Variants in HS6ST3 observed in about 807,000 individuals in gnomAD.
HS6ST3 encodes heparan sulfate 6-O-sulfotransferase 3.
In HS6ST3, 12 loss-of-function variants were observed where a neutral mutation model predicts 36.7. That is an observed-to-expected ratio of 0.33 (90% CI 0.21 to 0.53). The LOEUF (loss-of-function observed/expected upper bound fraction) is 0.53, where lower values mean the gene tolerates loss of function less well. HS6ST3 is among the 20% of genes least tolerant of loss of function. The probability of loss-of-function intolerance (pLI) is 0.95; values close to 1 mark genes in which losing one functional copy is unlikely to be tolerated. For synonymous variants in HS6ST3, 240 were observed against 257.5 expected, an observed-to-expected ratio of 0.93 and a Z score of 0.65; for missense variants, 584 against 640.9, an observed-to-expected ratio of 0.91 and a Z score of 0.96.
intron 1 of HS6ST3, among the ~76,000 whole-genome samples, chr13:96,671,536 T>C (rs1415735280): frequency 6.6e-6 from 1 of 152,094 alleles, no homozygotes; most frequent in Non-Finnish European, 1.5e-5. Flanking sequence ...ATAACAGACA[T>C]GTATTTTTCT....
intron 1 of HS6ST3, among the ~76,000 whole-genome samples, chr13:96,183,638 C>T (rs567625636): frequency 1.3e-5 from 2 of 152,248 alleles, no homozygotes; most frequent in African/African-American, 4.8e-5. Context: ...ATGGATGAAC[C>T]TTGAGCACAT....
At chr13:96,598,654 A>G (rs2056410761) in intron 1 of HS6ST3, among the ~76,000 whole-genome samples, 2 of 152,032 alleles carry the variant, frequency 1.3e-5, no homozygotes, top group African/African-American at 4.8e-5. Flanking sequence ...TCCAATTTGG[A>G]TGTCCTTTAT....
At chr13:96,458,837 C>T (rs532163014) in intron 1 of HS6ST3, among the ~76,000 whole-genome samples, 3 of 152,084 alleles carry the variant, frequency 2.0e-5, no homozygotes, top group Admixed American at 2.0e-4. Flanking sequence ...TGTGGTGGCT[C>T]ACGCCTATAA....
At chr13:96,246,666 G>T (rs1356922993) in intron 1 of HS6ST3, among the ~76,000 whole-genome samples, 1 of 152,164 alleles carries the variant, frequency 6.6e-6, no homozygotes, top group Non-Finnish European at 1.5e-5. Flanking sequence ...TTTTGTGTGT[G>T]TGGAGGTAAC....
intron 1 of HS6ST3, among the ~76,000 whole-genome samples, chr13:96,479,226 G>A (rs1449707603): frequency 6.6e-6 from 1 of 152,196 alleles, no homozygotes; most frequent in African/African-American, 2.4e-5. Context: ...TAAGGAATTA[G>A]CCTAGAGAAA....
intron 1 of HS6ST3, among the ~76,000 whole-genome samples, chr13:96,101,567 T>G: frequency 6.6e-6 from 1 of 151,936 alleles, no homozygotes; most frequent in South Asian, 2.1e-4. Flanking sequence ...CTGACAAAAC[T>G]TGGCACAAGA....
chr13:96,455,830 T>C (rs1017473327), intron 1 of HS6ST3, among the ~76,000 whole-genome samples: 1 of 152,234 alleles, frequency 6.6e-6, no homozygotes, highest in African/African-American at 2.4e-5. Flanking sequence ...TTCAAACTCT[T>C]TGATGCTGGC....
chr13:96,470,323 TC>T (rs1279168134), intron 1 of HS6ST3, among the ~76,000 whole-genome samples: 2 of 152,128 alleles, frequency 1.3e-5, no homozygotes, highest in African/African-American at 4.8e-5. Context: ...CATTTCCCCC[TC>T]CCCCAAATAT....
chr13:96,314,566 G>A (rs2054958809), intron 1 of HS6ST3, among the ~76,000 whole-genome samples: 1 of 152,122 alleles, frequency 6.6e-6, no homozygotes, highest in Non-Finnish European at 1.5e-5. Context: ...CAGTCTATAT[G>A]TCTTTGGAGA....
At chr13:96,344,340 G>A (rs1033399392) in intron 1 of HS6ST3, among the ~76,000 whole-genome samples, 2 of 152,112 alleles carry the variant, frequency 1.3e-5, no homozygotes, top group African/African-American at 4.8e-5. Flanking sequence ...GAAATAACAT[G>A]TGAGGAAGGG....
intron 1 of HS6ST3, among the ~76,000 whole-genome samples, chr13:96,828,275 G>T (rs1044716599): frequency 2.6e-5 from 4 of 152,176 alleles, no homozygotes; most frequent in African/African-American, 7.2e-5. Flanking sequence ...TTACCTAGTG[G>T]TAAGGCTAGA....
intron 1 of HS6ST3, among the ~76,000 whole-genome samples, chr13:96,775,516 A>T (rs546300787): frequency 8.9e-6 from 1 of 112,430 alleles, no homozygotes; most frequent in South Asian, 2.8e-4. Context: ...GGCAAAAAAG[A>T]AAAAAAAAAA....
intron 1 of HS6ST3, among the ~76,000 whole-genome samples, chr13:96,634,994 A>G (rs2056544429): frequency 6.6e-6 from 1 of 152,136 alleles, no homozygotes; most frequent in African/African-American, 2.4e-5. Flanking sequence ...AACCAAGGAC[A>G]ATGTCATTCC....
chr13:96,315,763 G>T (rs937600206), intron 1 of HS6ST3, among the ~76,000 whole-genome samples: 1 of 152,064 alleles, frequency 6.6e-6, no homozygotes, highest in African/African-American at 2.4e-5. Context: ...ACCTGAGAGA[G>T]TTTGTATTAA....
At chr13:96,599,130 T>TTTTC (rs1271787146) in intron 1 of HS6ST3, among the ~76,000 whole-genome samples, 9 of 151,962 alleles carry the variant, frequency 5.9e-5, no homozygotes, top group South Asian at 2.1e-4. Context: ...GTCTGTAGTT[T>TTTTC]TTTCTTTCTT....
chr13:96,611,285 T>A (rs2056456552), intron 1 of HS6ST3, among the ~76,000 whole-genome samples: 1 of 151,872 alleles, frequency 6.6e-6, no homozygotes, highest in Non-Finnish European at 1.5e-5. Context: ...ATGAAGGCAA[T>A]TAAAAATAGA....
At chr13:96,210,160 A>C (rs1302966847) in intron 1 of HS6ST3, among the ~76,000 whole-genome samples, 4 of 152,246 alleles carry the variant, frequency 2.6e-5, no homozygotes, top group Non-Finnish European at 4.4e-5. Context: ...ATGCCTGCTA[A>C]TATTGGGGCA....
At chr13:96,680,497 A>T (rs2056714671) in intron 1 of HS6ST3, among the ~76,000 whole-genome samples, 1 of 152,048 alleles carries the variant, frequency 6.6e-6, no homozygotes, top group Non-Finnish European at 1.5e-5. Flanking sequence ...CCTTTAGTGC[A>T]CTCCAATCGG....
intron 1 of HS6ST3, among the ~76,000 whole-genome samples, chr13:96,201,515 A>G (rs529540078): frequency 6.6e-6 from 1 of 152,334 alleles, no homozygotes; most frequent in East Asian, 1.9e-4. Flanking sequence ...ATAATGTTAC[A>G]TTAAAATTTC....
Sources: gnomAD v4.1 joint callset for allele counts (sites outside exome capture counted in the v4.1 genomes callset) on GRCh38, gnomAD v4.1.1 for gene constraint, MANE v1.5 for transcripts, NCBI Gene and HGNC (gene_info 2026-07-23, HGNC 2026-07-21) for gene names.